Variants in GHRL observed in about 807,000 individuals in gnomAD.
GHRL encodes the protein ghrelin and obestatin prepropeptide.
In GHRL, 24 loss-of-function variants were observed where a neutral mutation model predicts 16.9. The ratio of observed to expected loss-of-function variants is 1.42; its 90% confidence interval spans 1.03 to 2.00. GHRL has a LOEUF of 2.00. Among genes scored for constraint, GHRL ranks in the 30% most tolerant of loss-of-function variants. The pLI is 0.00. For synonymous variants in GHRL, 63 were observed against 58.2 expected, an observed-to-expected ratio of 1.08 and a Z score of -0.37; for missense variants, 193 against 142.1, an observed-to-expected ratio of 1.36 and a Z score of -1.82.
Position 10,290,105 on chromosome 3 carries a change from T to A in GHRL, c.76A>T (p.Ser26Cys). The change falls in exon 3 of 6, where the codon AGC becomes TGC. Residue 26 changes from serine (S) to cysteine (C), a missense_variant. Ser to Cys is a moderately radical substitution (Grantham distance 112, BLOSUM62 -1). Transcript: ENST00000335542. ...CTCTGGTGTTCAGGGCTCAGGAAGC[T>A]GGAGCCTGCCATGGCCAAGTCCAGC... ...LWLDLAMAGS[S>C]FLSPEHQRVQ... The A allele has an allele frequency of 6.2e-7, 1 of 1,613,022 alleles. No individual in the cohort carries two copies. Among genetic ancestry groups the A allele is most frequent in the South Asian group, 1.1e-5 (1 of 90,852 alleles).
At chr3:10,286,313 A>C (rs1699058251) in intron 5 of GHRL, among the ~76,000 whole-genome samples, 1 of 152,306 alleles carries the variant, frequency 6.6e-6, no homozygotes, top group African/African-American at 2.4e-5. Flanking sequence ...CAGGCTGCAG[A>C]ACCTGTTCTG....
At chr3:10,287,077 A>C in intron 4 of GHRL, 1 of 303,300 alleles carries the variant, frequency 3.3e-6, no homozygotes, top group Non-Finnish European at 6.2e-6. Flanking sequence ...ATTGCTGATA[A>C]AAGCTGTGGT....
In GHRL at chr3:10,291,224, CGAG is replaced by C; in HGVS notation, c.-541_-539del. On this transcript the variant is annotated 5_prime_UTR_variant, in exon 2 of 6. Transcript: ENST00000335542. Reference sequence around the variant, plus strand: ...CCAGGCTGGTGATTCTACACCTTCCCGAGGAGGAGTCCCACCTCCCGGTTGAGC... The same window carrying C: ...CCAGGCTGGTGATTCTACACCTTCCCGAGGAGTCCCACCTCCCGGTTGAGC... 2 of 985,548 alleles carry C rather than the reference CGAG, an allele frequency of 2.0e-6. No homozygotes were observed. The highest frequency in any genetic ancestry group is 1.1e-4 in the East Asian group (1 of 8,818). The allele number at this position is 985,548 out of a possible 1,614,324, so 61.1% of individuals were successfully genotyped here.
intron 4 of GHRL, among the ~76,000 whole-genome samples, chr3:10,289,389 G>A (rs1200478064): frequency 6.6e-6 from 1 of 152,162 alleles, no homozygotes; most frequent in Non-Finnish European, 1.5e-5. Flanking sequence ...AAGCCCCTGA[G>A]TAAAACATGG....
Position 10,291,099 on chromosome 3 carries a change from TCAC to T in GHRL, c.-416_-414del. 1 of 985,680 alleles carries T rather than the reference TCAC, an allele frequency of 1.0e-6. No individual in the cohort carries two copies. The highest frequency in any genetic ancestry group is 1.2e-6 in the Non-Finnish European group (1 of 830,124). 61.1% of individuals were successfully genotyped at this position (985,680 alleles called of 1,614,324 possible). On this transcript the variant is annotated 5_prime_UTR_variant, in exon 2 of 6. Transcript: ENST00000335542. Reference sequence around the variant, plus strand: ...CTCCCTGGGTAAAATGAGGCTGTCATCACTAGGAGAGCTCTGAGACCTCCCCAG... The same window carrying T: ...CTCCCTGGGTAAAATGAGGCTGTCATTAGGAGAGCTCTGAGACCTCCCCAG...
In GHRL at chr3:10,291,467, C is replaced by G. The variant is rs1473415891; in HGVS notation, c.-765-16G>C. ...TGCATTGGACCTGGAGGTGGAAGAT[C>G]TACGCTTAGCACGGGCCTGGCTCCT... is the stretch of plus-strand genomic sequence containing the variant. On this transcript the variant is annotated splice_polypyrimidine_tract_variant and intron_variant, in intron 1 of 5. Coordinates refer to ENST00000335542, the MANE Select transcript of GHRL (RefSeq NM_016362.5). The G allele has an allele frequency of 2.0e-6, 2 of 985,368 alleles. No individual in the cohort carries two copies. The highest frequency in any genetic ancestry group is 3.5e-5 in the African/African-American group (2 of 57,248). 61.0% of individuals were successfully genotyped at this position (985,368 alleles called of 1,614,324 possible). A position where few individuals can be genotyped will look rare whatever the true frequency, so the allele number is the denominator to read the frequency against.
At chr3:10,289,423 G>T (rs1019415429) in intron 4 of GHRL, among the ~76,000 whole-genome samples, 5 of 152,198 alleles carry the variant, frequency 3.3e-5, no homozygotes, top group Non-Finnish European at 5.9e-5. Flanking sequence ...AACATCTTCA[G>T]TCTGGGCCTG....
chr3:10,285,750 T>C lies in GHRL; in HGVS notation c.*125A>G, dbSNP rs1698959202. ...TAAATTCCCATTTGGAACATCAGCA[T>C]ACAGTTTGAACATTTATTCGCCTCC... On this transcript the variant is annotated 3_prime_UTR_variant, in exon 6 of 6. Coordinates refer to ENST00000335542, the MANE Select transcript of GHRL (RefSeq NM_016362.5). The C allele has an allele frequency of 2.8e-6, 2 of 707,824 alleles. No homozygotes were observed. The highest frequency in any genetic ancestry group is 4.5e-5 in the Admixed American group (2 of 44,186). The allele number at this position is 707,824 out of a possible 1,614,324, so 43.8% of individuals were successfully genotyped here.
rs757732247 is a variant in GHRL at position 10,286,705 on chromosome 3, T to C, written c.333A>G (p.Lys111=). 7.7e-6 allele frequency: 12 copies of C among 1,559,210 alleles called. No homozygotes were observed. The African/African-American group carries it at 1.2e-4, about 16-fold the overall frequency. Residue 111 remains lysine (K), a splice_region_variant and synonymous_variant, in exon 5 of 6, where the codon AAA becomes AAG. Coordinates refer to ENST00000335542, the MANE Select transcript of GHRL (RefSeq NM_016362.5). ...AAACCCAGTCCAGGCAGGACTCACC[T>C]TTGGCCTCTTCCCAGAGGATGTCCT... is the stretch of plus-strand genomic sequence containing the variant. The part of the protein sequence containing the change: ...FLQDILWEEA[K]EAPADK
At chr3:10,289,630 G>A in intron 4 of GHRL, 132 bp downstream of exon 4, 1 of 741,772 alleles carries the variant, frequency 1.3e-6, no homozygotes, top group Non-Finnish European at 2.5e-6. Context: ...CTCAACTCCT[G>A]TGGTACTGGT....
chr3:10,287,238 C>G (rs1478338942), intron 4 of GHRL: 1 of 157,060 alleles, frequency 6.4e-6, no homozygotes, highest in African/African-American at 2.4e-5. Context: ...GCTCCCAGCT[C>G]TTTCTCCTTT....
chr3:10,288,787 C>A (rs988363982), intron 4 of GHRL, among the ~76,000 whole-genome samples: 2 of 152,188 alleles, frequency 1.3e-5, no homozygotes, highest in Non-Finnish European at 2.9e-5. Flanking sequence ...GAAGAGGCCT[C>A]CCCTGGGCCA....
rs367678467 is a variant in GHRL, at chr3:10,289,745, A to G, written c.225+17T>C. ...CTCCTCGCTGCCACAGAAGCATAAA[A>G]CTGCAGAGGTACCGACCCGGACTTC... On this transcript the variant is annotated intron_variant, in intron 4 of 5. Transcript: ENST00000335542. 1.2e-4 allele frequency: 180 copies of G among 1,483,574 alleles called. No individual in the cohort carries two copies. The highest frequency in any genetic ancestry group is 1.6e-4 in the Non-Finnish European group (174 of 1,061,308). The allele number at this position is 1,483,574 out of a possible 1,614,324, so 91.9% of individuals were successfully genotyped here. A position where few individuals can be genotyped will look rare whatever the true frequency, so the allele number is the denominator to read the frequency against.
intron 5 of GHRL, among the ~76,000 whole-genome samples, chr3:10,286,142 G>A (rs1699029762): frequency 6.6e-6 from 1 of 152,230 alleles, no homozygotes; most frequent in Non-Finnish European, 1.5e-5. Context: ...CAGGGGTGAC[G>A]GGTCACCGCC....
rs1294098217 is a variant in GHRL at position 10,292,927 on chromosome 3, C to G, written c.-851G>C. 1.3e-6 allele frequency: 2 copies of G among 1,525,536 alleles called. No homozygotes were observed. The highest frequency in any genetic ancestry group is 1.8e-6 in the Non-Finnish European group (2 of 1,131,042). 94.5% of individuals were successfully genotyped at this position (1,525,536 alleles called of 1,614,324 possible). A position where few individuals can be genotyped will look rare whatever the true frequency, so the allele number is the denominator to read the frequency against. On this transcript the variant is annotated 5_prime_UTR_variant, in exon 1 of 6. Transcript: ENST00000335542. ...GCAAGTAAACATCCACTGTGCAAAG[C>G]TGTGTTATCTTTGGGGAACTGAAAT...
Position 10,290,843 on chromosome 3 carries a change from T to C in GHRL, c.-157A>G, listed in dbSNP as rs1011776844. On this transcript the variant is annotated 5_prime_UTR_variant, in exon 2 of 6. Transcript: ENST00000335542. ...CTTCCGTGGGGCTGATGTACATTCC[T>C]TGGGAACTAAAAATGTTCTTGTCCT... The C allele has an allele frequency of 2.0e-6, 2 of 986,146 alleles. No homozygotes were observed. Among genetic ancestry groups the C allele is most frequent in the Non-Finnish European group, 2.4e-6 (2 of 830,408 alleles). 61.1% of individuals were successfully genotyped at this position (986,146 alleles called of 1,614,324 possible).
intron 5 of GHRL, among the ~76,000 whole-genome samples, 159 bp from the exon 6 acceptor site, chr3:10,286,053 C>T (rs1261330488): frequency 1.3e-5 from 2 of 152,118 alleles, no homozygotes; most frequent in Non-Finnish European, 2.9e-5. Flanking sequence ...ACTGTTGTGC[C>T]CTGGGCAAGT....
chr3:10,291,323 C>T lies in GHRL; in HGVS notation c.-637G>A. ...CTTCAGCCAGTGGCTATGCTTCAGT[C>T]ATTTCTGCCAGGTGTGACATGACTG... On this transcript the variant is annotated 5_prime_UTR_variant, in exon 2 of 6. An upstream start codon of the reference 5' UTR is lost. Coordinates refer to ENST00000335542, the MANE Select transcript of GHRL (RefSeq NM_016362.5). 1.0e-6 allele frequency: 1 copy of T among 985,522 alleles called. No individual in the cohort carries two copies. Among genetic ancestry groups the T allele is most frequent in the Non-Finnish European group, 1.2e-6 (1 of 829,988 alleles). The allele number at this position is 985,522 out of a possible 1,614,324, so 61.0% of individuals were successfully genotyped here. A position where few individuals can be genotyped will look rare whatever the true frequency, so the allele number is the denominator to read the frequency against.
Position 10,285,733 on chromosome 3 carries a change from C to T in GHRL, c.*142G>A. ...ACTTTTCCTCTTTGAAATAAATTCC[C>T]ATTTGGAACATCAGCATACAGTTTG... On this transcript the variant is annotated 3_prime_UTR_variant, in exon 6 of 6. Transcript: ENST00000335542. The T allele has an allele frequency of 5.0e-6, 3 of 601,908 alleles. No individual in the cohort carries two copies. The highest frequency in any genetic ancestry group is 9.1e-6 in the Non-Finnish European group (3 of 328,356). 37.3% of individuals were successfully genotyped at this position (601,908 alleles called of 1,614,324 possible).
Sources: gnomAD v4.1 joint callset for allele counts (sites outside exome capture counted in the v4.1 genomes callset) on GRCh38, gnomAD v4.1.1 for gene constraint, MANE v1.5 for transcripts, NCBI Gene and HGNC (gene_info 2026-07-23, HGNC 2026-07-21) for gene names.